The following XPO1 variants were observed in gnomAD, a reference collection of about 807,000 sequenced individuals.
The protein encoded by XPO1 is exportin 1.
In XPO1, 5 loss-of-function variants were observed where a neutral mutation model predicts 133.3. The ratio of observed to expected loss-of-function variants is 0.04; its 90% CI spans 0.02 to 0.08. The LOEUF is 0.08. Ranked by LOEUF, XPO1 falls within the 10% of genes least tolerant of loss-of-function variation. The pLI, the probability that XPO1 is intolerant of heterozygous loss-of-function variation, is 1.00. For missense variants in XPO1, 506 were observed against 1,267.5 expected (o/e 0.40, Z 9.12); for synonymous variants, 419 against 408.2 (o/e 1.03, Z -0.32).
intron 4 of XPO1, among the ~76,000 whole-genome samples, chr2:61,512,506 C>G (rs937020056): frequency 6.6e-6 from 1 of 152,172 alleles, no homozygotes; most frequent in East Asian, 1.9e-4. Flanking sequence ...TGAGTTTGAA[C>G]TGGGCTTTGA....
chr2:61,506,580 C>T, intron 4 of XPO1, among the ~76,000 whole-genome samples: 1 of 102,566 alleles, frequency 9.7e-6, no homozygotes, highest in South Asian at 3.2e-4. Context: ...GTCTGGGCGA[C>T]AGAGCAAGAT....
At chr2:61,506,073 C>T (rs1697796814) in intron 4 of XPO1, among the ~76,000 whole-genome samples, 1 of 152,062 alleles carries the variant, frequency 6.6e-6, no homozygotes. Context: ...TCCCCAAATC[C>T]CTTCCTCAAG....
intron 18 of XPO1, 37 bp from the exon 19 acceptor site, chr2:61,488,308 C>A (rs367743436): frequency 1.3e-6 from 2 of 1,584,540 alleles, no homozygotes; most frequent in East Asian, 4.5e-5. Context: ...AATTTTACCA[C>A]TAAACTTATA....
At chr2:61,497,754 G>A (rs1010177815) in intron 9 of XPO1, among the ~76,000 whole-genome samples, 8 of 152,060 alleles carry the variant, frequency 5.3e-5, no homozygotes, top group Non-Finnish European at 1.2e-4. Flanking sequence ...TGGAAATCAG[G>A]GGGCATTAAA....
intron 6 of XPO1, among the ~76,000 whole-genome samples, chr2:61,501,721 CAA>C (rs34659499): frequency 8.1e-5 from 9 of 111,402 alleles, no homozygotes; most frequent in Non-Finnish European, 7.2e-5. Context: ...AGACTGTCTC[CAA>C]AAAAAAAAAA....
chr2:61,505,568 ATT>A (rs377692301), intron 4 of XPO1, among the ~76,000 whole-genome samples: 2 of 147,306 alleles, frequency 1.4e-5, no homozygotes, highest in African/African-American at 2.5e-5. Context: ...CTTTTTTTGT[ATT>A]TTTTTTTTGA....
At chr2:61,530,058 T>A (rs1699086359) in intron 2 of XPO1, among the ~76,000 whole-genome samples, 1 of 152,254 alleles carries the variant, frequency 6.6e-6, no homozygotes, top group Non-Finnish European at 1.5e-5. Context: ...AAGCACATTT[T>A]AGCAGTGTTT....
intron 2 of XPO1, among the ~76,000 whole-genome samples, chr2:61,530,736 A>C (rs1699113748): frequency 6.6e-6 from 1 of 151,962 alleles, no homozygotes; most frequent in Non-Finnish European, 1.5e-5. Flanking sequence ...TTTAAAAAAA[A>C]AAAAACCTAC....
rs765888060 is a variant in XPO1 at position 61,521,750 on chromosome 2, T to TTTG, written c.301+858_301+860dup. ...CGAGTTAACCTTACATATGGTTTTT[T>TTTG]TTGTTGTTGTTGTTCTTGTTTTTTG... On this transcript the variant is annotated intron_variant, in intron 4 of 24. Coordinates refer to ENST00000401558, the MANE Select transcript of XPO1 (RefSeq NM_003400.4). Among the ~76,000 whole-genome samples, 603 of 152,160 alleles carry TTTG rather than the reference T, an allele frequency of 4.0e-3. 4 individuals are homozygous for TTTG. Among genetic ancestry groups the TTTG allele is most frequent in the African/African-American group, 0.013 (525 of 41,508 alleles).
intron 4 of XPO1, among the ~76,000 whole-genome samples, chr2:61,515,862 T>TC (rs1234870562): frequency 6.9e-6 from 1 of 144,252 alleles, no homozygotes; most frequent in African/African-American, 2.6e-5. Flanking sequence ...GGAGGGTGGA[T>TC]CACGAGGTCA....
At chr2:61,511,272 C>T (rs1182028527) in intron 4 of XPO1, among the ~76,000 whole-genome samples, 1 of 152,052 alleles carries the variant, frequency 6.6e-6, no homozygotes, top group Non-Finnish European at 1.5e-5. Flanking sequence ...TACAGGAATG[C>T]GCCACCACGC....
chr2:61,522,357 C>T (rs193030208), intron 4 of XPO1, among the ~76,000 whole-genome samples: 7 of 152,276 alleles, frequency 4.6e-5, no homozygotes, highest in Admixed American at 2.6e-4. Context: ...GTGCCATAGC[C>T]CATATTTTTA....
intron 2 of XPO1, among the ~76,000 whole-genome samples, chr2:61,527,347 A>C (rs1039903458): frequency 6.8e-6 from 1 of 146,814 alleles, no homozygotes; most frequent in African/African-American, 2.5e-5. Context: ...AGAAAGCTGC[A>C]CATGGTGGCT....
At position 61,498,880 on chromosome 2, in the gene XPO1, C is replaced by G. The variant is rs2104493975; in HGVS notation, c.624G>C (p.Leu208=). 6.2e-7 allele frequency: 1 copy of G among 1,600,042 alleles called. No homozygotes were observed. The highest frequency in any genetic ancestry group is 8.5e-7 in the Non-Finnish European group (1 of 1,173,914). The change falls in exon 8 of 25, where the codon CTG becomes CTC. Residue 208 remains leucine, a synonymous_variant. Transcript: ENST00000401558. Reference sequence around the variant, plus strand: ...AAACACTTACCATTACAAACTGACACAGTTGAAATATCTGTGAGAATTCAT... The same window carrying G: ...AAACACTTACCATTACAAACTGACAGAGTTGAAATATCTGTGAGAATTCAT... ...MCNEFSQIFQ[L]CQFVMENSQN...
intron 24 of XPO1, among the ~76,000 whole-genome samples, chr2:61,479,815 G>A (rs897480778): frequency 6.6e-6 from 1 of 152,000 alleles, no homozygotes; most frequent in African/African-American, 2.4e-5. Flanking sequence ...CACCTGTCTC[G>A]GCCTCCCAAA....
In XPO1 at chr2:61,502,045, G is replaced by A. The variant is rs569239868; in HGVS notation, c.364-5C>T. ...TCCGATATACACCTTTTCTTTCTAA[G>A]GAAAAGTAAAAGATTAAATGAGAGC... On this transcript the variant is annotated splice_polypyrimidine_tract_variant and splice_region_variant and intron_variant, in intron 5 of 24. Coordinates refer to ENST00000401558, the MANE Select transcript of XPO1 (RefSeq NM_003400.4). 546 of 1,598,188 alleles carry A rather than the reference G, an allele frequency of 3.4e-4. No homozygotes were observed. The highest frequency in any genetic ancestry group is 2.5e-4 in the Non-Finnish European group (292 of 1,171,500).
intron 24 of XPO1, chr2:61,480,217 T>C (rs1009984257): frequency 6.6e-6 from 1 of 151,820 alleles, no homozygotes; most frequent in Non-Finnish European, 1.5e-5. Flanking sequence ...CTAAGGCTAA[T>C]TAATAACTGT....
intron 17 of XPO1, among the ~76,000 whole-genome samples, chr2:61,489,001 T>C (rs1026965284): frequency 8.0e-5 from 12 of 150,840 alleles, no homozygotes; most frequent in African/African-American, 2.7e-4. Flanking sequence ...ACTCGGGAGG[T>C]TGAGGCAGGA....
chr2:61,490,923 G>A, intron 16 of XPO1, 147 bp from the exon 17 acceptor site: 1 of 998,192 alleles, frequency 1.0e-6, no homozygotes, highest in South Asian at 1.7e-5. Flanking sequence ...GAGAAGCCAA[G>A]GCAGGCCAAT....
Sources: gnomAD v4.1 joint callset for allele counts (sites outside exome capture counted in the v4.1 genomes callset) on GRCh38, gnomAD v4.1.1 for gene constraint, MANE v1.5 for transcripts, NCBI Gene and HGNC (gene_info 2026-07-23, HGNC 2026-07-21) for gene names.